Variants in ASTN2 observed in about 807,000 individuals in gnomAD.
ASTN2 encodes astrotactin 2.
ASTN2 carries 54 observed loss-of-function variants against 139.8 expected under a neutral mutation model. The ratio of observed to expected loss-of-function variants is 0.39; its 90% CI spans 0.31 to 0.48. The LOEUF is 0.48. Ranked by LOEUF, ASTN2 falls within the 20% of genes least tolerant of loss-of-function variation. The pLI, the probability that ASTN2 is intolerant of heterozygous loss-of-function variation, is 0.95. For synonymous variants in ASTN2, 756 were observed against 719.5 expected, an observed-to-expected ratio of 1.05 and a Z score of -0.81; for missense variants, 1,565 against 1,725.1, an observed-to-expected ratio of 0.91 and a Z score of 1.64.
intron 1 of ASTN2, among the ~76,000 whole-genome samples, chr9:117,410,795 C>T (rs1176348283): frequency 6.6e-6 from 1 of 152,178 alleles, no homozygotes; most frequent in African/African-American, 2.4e-5. Flanking sequence ...CTCCATCACT[C>T]ATTGGCACCA....
chr9:117,372,934 C>G (rs1379034335), intron 1 of ASTN2, among the ~76,000 whole-genome samples: 1 of 152,114 alleles, frequency 6.6e-6, no homozygotes, highest in Non-Finnish European at 1.5e-5. Flanking sequence ...TCTCGTGGTT[C>G]TAACACTTCT....
chr9:116,686,575 G>C lies in ASTN2; in HGVS notation c.2807-34782C>G, dbSNP rs184193712. 2.8e-4 allele frequency: 285 copies of C among 1,016,170 alleles called. No individual in the cohort carries two copies. In the Admixed American group the frequency reaches 5.0e-3, roughly 18 times the overall value. The allele number at this position is 1,016,170 out of a possible 1,614,324, so 62.9% of individuals were successfully genotyped here. On this transcript the variant is annotated intron_variant, in intron 16 of 22. Transcript: ENST00000313400. The stretch of plus-strand genomic sequence containing the variant: ...GCCAGCCAGTCCTGTATCAGACCTC[G>C]TCCTTGCCAGATGCCTAGTGCCCCA...
intron 11 of ASTN2, among the ~76,000 whole-genome samples, chr9:116,841,876 C>T (rs551160577): frequency 6.6e-6 from 1 of 152,280 alleles, no homozygotes; most frequent in East Asian, 1.9e-4. Flanking sequence ...TGTAAGGGAA[C>T]CATATACAGG....
At chr9:116,904,381 A>G (rs1194131316) in intron 10 of ASTN2, among the ~76,000 whole-genome samples, 1 of 152,174 alleles carries the variant, frequency 6.6e-6, no homozygotes, top group East Asian at 1.9e-4. Context: ...GTGGGACCGC[A>G]GAATGACACT....
chr9:116,957,870 G>A (rs561497500), intron 10 of ASTN2, among the ~76,000 whole-genome samples: 16 of 152,094 alleles, frequency 1.1e-4, no homozygotes, highest in Non-Finnish European at 1.5e-4. Context: ...TCACTGAGAC[G>A]GGGTTTCACC....
At chr9:116,863,043 C>A (rs1019464097) in intron 11 of ASTN2, among the ~76,000 whole-genome samples, 1 of 151,898 alleles carries the variant, frequency 6.6e-6, no homozygotes, top group African/African-American at 2.4e-5. Flanking sequence ...AACAAGGCTG[C>A]CTCTCCCTTC....
intron 16 of ASTN2, among the ~76,000 whole-genome samples, chr9:116,653,563 A>G (rs1335879881): frequency 6.6e-6 from 1 of 152,198 alleles, no homozygotes; most frequent in African/African-American, 2.4e-5. Flanking sequence ...ATTTTATACT[A>G]AGAGACAGAG....
intron 11 of ASTN2, among the ~76,000 whole-genome samples, chr9:116,822,633 C>T (rs1012174299): frequency 6.6e-6 from 1 of 152,170 alleles, no homozygotes; most frequent in African/African-American, 2.4e-5. Flanking sequence ...TCCTTCCCAT[C>T]CCCCAATGAT....
chr9:116,633,241 A>T (rs1856897305), intron 17 of ASTN2, among the ~76,000 whole-genome samples: 1 of 152,204 alleles, frequency 6.6e-6, no homozygotes, highest in Admixed American at 6.5e-5. Flanking sequence ...CATCCATCTA[A>T]TCATGAGTCA....
At chr9:116,565,172 A>T (rs1400685111) in intron 19 of ASTN2, among the ~76,000 whole-genome samples, 1 of 149,144 alleles carries the variant, frequency 6.7e-6, no homozygotes, top group Non-Finnish European at 1.5e-5. Flanking sequence ...TGTATATATG[A>T]CTGAAATGCA....
chr9:116,972,660 T>C (rs999553953), intron 10 of ASTN2, among the ~76,000 whole-genome samples: 1 of 152,198 alleles, frequency 6.6e-6, no homozygotes, highest in Non-Finnish European at 1.5e-5. Context: ...TTGTTATCAT[T>C]AGTTGTTTTA....
intron 20 of ASTN2, among the ~76,000 whole-genome samples, chr9:116,481,520 G>A (rs1190782003): frequency 6.6e-6 from 1 of 152,210 alleles, no homozygotes; most frequent in Non-Finnish European, 1.5e-5. Context: ...AGTAGTGGTA[G>A]GGGATGCAGA....
At chr9:116,554,178 A>G (rs1852484819) in intron 19 of ASTN2, among the ~76,000 whole-genome samples, 1 of 152,192 alleles carries the variant, frequency 6.6e-6, no homozygotes, top group Non-Finnish European at 1.5e-5. Flanking sequence ...AGAATGCTGA[A>G]TATGTATTAT....
At chr9:117,210,832 A>C (rs182665978) in intron 3 of ASTN2, among the ~76,000 whole-genome samples, 158 of 152,216 alleles carry the variant, frequency 1.0e-3, no homozygotes, top group African/African-American at 3.3e-3. Context: ...TGAATCCAAC[A>C]TGTCAAAAAG....
intron 19 of ASTN2, among the ~76,000 whole-genome samples, chr9:116,533,968 T>C (rs1226270754): frequency 6.6e-6 from 1 of 152,200 alleles, no homozygotes; most frequent in Non-Finnish European, 1.5e-5. Flanking sequence ...CTGGTAGAAT[T>C]TGGCTGTGAA....
chr9:117,060,325 AG>A (rs367944995), intron 5 of ASTN2, among the ~76,000 whole-genome samples: 10,605 of 108,760 alleles, frequency 0.098, 793 homozygotes, highest in South Asian at 0.22. Flanking sequence ...GAAAAAAGAA[AG>A]AAAGAAAGAA....
intron 10 of ASTN2, among the ~76,000 whole-genome samples, chr9:116,969,632 A>G (rs1836125573): frequency 6.6e-6 from 1 of 152,184 alleles, no homozygotes; most frequent in African/African-American, 2.4e-5. Context: ...ATTTGGGAGC[A>G]TATAAACCTT....
chr9:117,206,807 C>T (rs996350792), intron 3 of ASTN2, among the ~76,000 whole-genome samples: 5 of 152,304 alleles, frequency 3.3e-5, no homozygotes, highest in Non-Finnish European at 7.3e-5. Flanking sequence ...TGGGAGAAGC[C>T]TCTGAGCCTC....
intron 20 of ASTN2, among the ~76,000 whole-genome samples, chr9:116,481,431 T>C (rs1742783434): frequency 6.6e-6 from 1 of 152,172 alleles, no homozygotes; most frequent in Non-Finnish European, 1.5e-5. Flanking sequence ...GTGAAGAAAC[T>C]TGCCCAAGGC....
Sources: allele counts gnomAD v4.1 joint callset (sites outside exome capture counted in the v4.1 genomes callset), GRCh38; gene constraint gnomAD v4.1.1; transcripts MANE v1.5; gene names NCBI Gene and HGNC (gene_info 2026-07-23, HGNC 2026-07-21).